Variants in HEATR5A observed in about 807,000 individuals in gnomAD.
The protein encoded by HEATR5A is HEAT repeat containing 5A.
Under a neutral mutation model 218.8 loss-of-function variants are expected in HEATR5A, and 178 were observed. The ratio of observed to expected loss-of-function variants is 0.81; its 90% confidence interval spans 0.72 to 0.92. The LOEUF is 0.92. Ranked by LOEUF, HEATR5A falls within the 40% of genes least tolerant of loss-of-function variation. HEATR5A has a pLI of 0.00. For synonymous variants in HEATR5A, 864 were observed against 871.6 expected, an observed-to-expected ratio of 0.99 and a Z score of 0.15; for missense variants, 2,420 against 2,418.9, an observed-to-expected ratio of 1.00 and a Z score of -0.01.
Position 31,343,989 on chromosome 14 carries a change from G to A in HEATR5A, c.3135C>T (p.Cys1045=). The change falls in exon 21 of 36, where the codon TGC becomes TGT. Residue 1045 remains cysteine (C), a synonymous_variant. Coordinates refer to ENST00000543095, the MANE Select transcript of HEATR5A (RefSeq NM_015473.4). ...AAGAGATGGCCTGAGCTTGAACAAG[G>A]CAGTCTGGGTTATCTTGCATTACTG... ...GCAVMQDNPD[C]LVQAQAISCL... is the part of the protein sequence containing the mutation. 1.2e-6 allele frequency: 2 copies of A among 1,611,544 alleles called. No homozygotes were observed. Among genetic ancestry groups the A allele is most frequent in the Non-Finnish European group, 1.7e-6 (2 of 1,178,730 alleles).
chr14:31,353,927 G>A (rs140477968), intron 16 of HEATR5A, among the ~76,000 whole-genome samples: 28 of 152,092 alleles, frequency 1.8e-4, no homozygotes, highest in Middle Eastern at 3.4e-3. Context: ...AGCCTCCTGA[G>A]TAGCTGGGAC....
chr14:31,358,617 G>A lies in HEATR5A; in HGVS notation c.2411+20C>T. The A allele has an allele frequency of 6.2e-7, 1 of 1,604,574 alleles. No individual in the cohort carries two copies. Among genetic ancestry groups the A allele is most frequent in the Non-Finnish European group, 8.5e-7 (1 of 1,174,184 alleles). ...ACCAGTTCTCTATTATCCATTCACT[G>A]AACCATTGAAGATATTTACCTTTGA... On this transcript the variant is annotated intron_variant, in intron 16 of 35. Transcript: ENST00000543095.
intron 4 of HEATR5A, among the ~76,000 whole-genome samples, chr14:31,396,707 T>C (rs2030667920): frequency 6.6e-6 from 1 of 152,216 alleles, no homozygotes; most frequent in Admixed American, 6.5e-5. Context: ...CAGTTCCAAA[T>C]GTTGTGTATC....
intron 14 of HEATR5A, among the ~76,000 whole-genome samples, chr14:31,361,817 C>T (rs1901625117): frequency 6.6e-6 from 1 of 152,156 alleles, no homozygotes. Flanking sequence ...TCTACATCTG[C>T]TGGATAGTCA....
Position 31,343,987 on chromosome 14 carries a change from A to C in HEATR5A, c.3137T>G (p.Leu1046Arg). Reference sequence around the variant, plus strand: ...GCAAGAGATGGCCTGAGCTTGAACAAGGCAGTCTGGGTTATCTTGCATTAC... The same window carrying C: ...GCAAGAGATGGCCTGAGCTTGAACACGGCAGTCTGGGTTATCTTGCATTAC... The part of the protein sequence containing the change: ...CAVMQDNPDC[L>R]VQAQAISCLQ... The change falls in exon 21 of 36, where the codon CTT becomes CGT. Residue 1046 changes from leucine (L) to arginine (R), a missense_variant. Transcript: ENST00000543095. The C allele has an allele frequency of 6.2e-7, 1 of 1,611,956 alleles. No individual in the cohort carries two copies. The highest frequency in any genetic ancestry group is 8.5e-7 in the Non-Finnish European group (1 of 1,178,984).
chr14:31,302,641 A>C (rs1029468376), intron 32 of HEATR5A, 122 bp from the exon 33 acceptor site: 17 of 670,390 alleles, frequency 2.5e-5, no homozygotes, highest in Non-Finnish European at 3.3e-5. Context: ...ATTTCTAATA[A>C]AGAATTATAA....
intron 2 of HEATR5A, 75 bp downstream of exon 2, chr14:31,402,775 A>T: frequency 7.2e-7 from 1 of 1,395,196 alleles, no homozygotes; most frequent in African/African-American, 1.4e-5. Flanking sequence ...TATTCTGGAA[A>T]AAACTAGAAA....
intron 14 of HEATR5A, among the ~76,000 whole-genome samples, chr14:31,359,729 CAAAAAAAAAAAAAA>C (rs376157768): frequency 9.3e-5 from 3 of 32,204 alleles, no homozygotes; most frequent in Admixed American, 6.8e-4. Context: ...CATCTCAAGA[CAAAAAAAAAAAAAA>C]AAAAAAAAAA....
chr14:31,317,322 T>G (rs1364745850), intron 26 of HEATR5A, among the ~76,000 whole-genome samples: 1 of 87,608 alleles, frequency 1.1e-5, no homozygotes, highest in Non-Finnish European at 2.2e-5. Flanking sequence ...TTTTTTTTTT[T>G]GAGATGGAGT....
rs1899649689 is a variant in HEATR5A at position 31,309,035 on chromosome 14, G to A, written c.4589C>T (p.Ser1530Phe). The A allele has an allele frequency of 2.5e-6, 4 of 1,613,938 alleles. No homozygotes were observed. Among genetic ancestry groups the A allele is most frequent in the Non-Finnish European group, 3.4e-6 (4 of 1,179,880 alleles). The change falls in exon 29 of 36, where the codon TCC (serine) becomes TTC (phenylalanine). Residue 1530 changes from serine (S) to phenylalanine (F), a missense_variant. Physicochemically the swap from Ser to Phe is radical, Grantham distance 155. Coordinates refer to ENST00000543095, the MANE Select transcript of HEATR5A (RefSeq NM_015473.4). ...ADPDEGASNL[S>F]RPVTPTSMCQ... ...CATGGAAGTTGGTGTTACAGGCCTG[G>A]AGAGATTAGATGCTCCTTCATCTGG...
At chr14:31,380,269 A>T (rs1566775353) in intron 11 of HEATR5A, among the ~76,000 whole-genome samples, 198 bp downstream of exon 11, 1 of 152,260 alleles carries the variant, frequency 6.6e-6, no homozygotes, top group African/African-American at 2.4e-5. Context: ...AGAGAAAATC[A>T]AGAGAGATCT....
chr14:31,350,691 T>C lies in HEATR5A; in HGVS notation c.2438A>G (p.Asp813Gly), dbSNP rs370147255. Reference sequence around the variant, plus strand: ...AGCTCCTTTTGTGTGCTTTATACTGTCCAAAAGCTGTTCCAATATAAGAAG... The same window carrying C: ...AGCTCCTTTTGTGTGCTTTATACTGCCCAAAAGCTGTTCCAATATAAGAAG... ...QRLLILEQLL[D>G]SIKHTKGARQ... is the part of the protein sequence containing the mutation. Residue 813 changes from aspartate to glycine, a missense_variant, in exon 17 of 36, where the codon GAC becomes GGC. By Grantham distance (94) the Asp-to-Gly change is moderately conservative. Coordinates refer to ENST00000543095, the MANE Select transcript of HEATR5A (RefSeq NM_015473.4). The C allele has an allele frequency of 2.5e-6, 4 of 1,592,024 alleles. No individual in the cohort carries two copies. Among genetic ancestry groups the C allele is most frequent in the African/African-American group, 2.7e-5 (2 of 74,654 alleles).
At chr14:31,303,270 T>G (rs1899446652) in intron 32 of HEATR5A, among the ~76,000 whole-genome samples, 1 of 151,254 alleles carries the variant, frequency 6.6e-6, no homozygotes, top group Non-Finnish European at 1.5e-5. Flanking sequence ...CTGTCTCTAC[T>G]AAAAATACAA....
rs1899724504 is a variant in HEATR5A, at chr14:31,310,873, G to C, written c.4442-1691C>G. On this transcript the variant is annotated intron_variant, in intron 28 of 35. Coordinates refer to ENST00000543095, the MANE Select transcript of HEATR5A (RefSeq NM_015473.4). Reference sequence around the variant, plus strand: ...TGAAAATTCTAATAGAACTAGGCTGGCCACCATAGTGTACACCATAGTCCC... The same window carrying C: ...TGAAAATTCTAATAGAACTAGGCTGCCCACCATAGTGTACACCATAGTCCC... Among the ~76,000 whole-genome samples the C allele has an allele frequency of 2.0e-5, 3 of 151,766 alleles. No homozygotes were observed. In the South Asian group the frequency reaches 6.2e-4, roughly 32 times the overall value.
chr14:31,317,060 C>T (rs2139157357), intron 26 of HEATR5A, among the ~76,000 whole-genome samples: 1 of 152,154 alleles, frequency 6.6e-6, no homozygotes. Context: ...TCTCATCTCA[C>T]AAAATATTTC....
At chr14:31,383,406 T>C (rs1316513732) in intron 10 of HEATR5A, 115 bp downstream of exon 10, 5 of 940,554 alleles carry the variant, frequency 5.3e-6, no homozygotes, top group African/African-American at 3.3e-5. Context: ...TGTACTTATA[T>C]GGCAGGGCTA....
At position 31,374,144 on chromosome 14, in the gene HEATR5A, A is replaced by G. The variant is rs922259886; in HGVS notation, c.1861+672T>C. 6.4e-4 allele frequency among the ~76,000 whole-genome samples: 97 copies of G among 152,080 alleles called. 1 individual carries two copies. Among genetic ancestry groups the G allele is most frequent in the African/African-American group, 2.2e-3 (92 of 41,476 alleles). On this transcript the variant is annotated intron_variant, in intron 12 of 35. Transcript: ENST00000543095. The stretch of plus-strand genomic sequence containing the variant: ...AGCATAGTGAGACTCCATCTCTACA[A>G]AAAATTTAAAAATTAGCTGGGCATG...
intron 13 of HEATR5A, among the ~76,000 whole-genome samples, chr14:31,367,607 C>CG (rs1379336257): frequency 9.5e-6 from 1 of 105,450 alleles, no homozygotes; most frequent in Admixed American, 1.3e-4. Flanking sequence ...TTAGTACAGA[C>CG]GGGGTCTCAC....
chr14:31,406,655 C>T (rs1383781141), intron 1 of HEATR5A, among the ~76,000 whole-genome samples: 1 of 152,142 alleles, frequency 6.6e-6, no homozygotes, highest in African/African-American at 2.4e-5. Context: ...CAATCAAGCT[C>T]CTCAAAAATG....
Sources: allele counts gnomAD v4.1 joint callset (sites outside exome capture counted in the v4.1 genomes callset), GRCh38; gene constraint gnomAD v4.1.1; transcripts MANE v1.5; gene names NCBI Gene and HGNC (gene_info 2026-07-23, HGNC 2026-07-21).